Variants in PDE1C observed in about 807,000 individuals in gnomAD.
PDE1C encodes dual specificity calcium/calmodulin-dependent 3',5'-cyclic nucleotide phosphodiesterase 1C.
Under a neutral mutation model 93.1 loss-of-function variants are expected in PDE1C, and 62 were observed. The observed-to-expected ratio is 0.67, with a 90% CI of 0.54 to 0.82. The LOEUF (loss-of-function observed/expected upper bound fraction) is 0.82, where lower values mean the gene tolerates loss of function less well. Among genes scored for constraint, PDE1C ranks in the 40% least tolerant of loss-of-function variants. The pLI, the probability that PDE1C is intolerant of heterozygous loss-of-function variation, is 0.00. For missense variants in PDE1C, 742 were observed against 884.6 expected, an observed-to-expected ratio of 0.84 and a Z score of 2.04; for synonymous variants, 325 against 310.1, an observed-to-expected ratio of 1.05 and a Z score of -0.50.
intron 2 of PDE1C, among the ~76,000 whole-genome samples, chr7:31,996,066 G>GACAC (rs3078631): frequency 0.037 from 5,082 of 138,562 alleles, 113 homozygotes; most frequent in African/African-American, 0.062. Context: ...TACGCTTCCG[G>GACAC]ACACACACAC....
At chr7:31,665,809 T>C in the PDE1C span, among the ~76,000 whole-genome samples, 1 of 152,172 alleles carries the variant, frequency 6.6e-6, no homozygotes, top group South Asian at 2.1e-4. Flanking sequence ...AAGAAGCTCT[T>C]TCCTTTGATG....
At chr7:32,296,183 C>T (rs912129572) in intron 1 of PDE1C, among the ~76,000 whole-genome samples, 3 of 152,088 alleles carry the variant, frequency 2.0e-5, no homozygotes, top group Admixed American at 2.0e-4. Context: ...TTTCTTTCTT[C>T]CTTTTTTATT....
At chr7:32,026,200 T>G (rs6967724) in intron 2 of PDE1C, among the ~76,000 whole-genome samples, 4,814 of 152,162 alleles carry the variant, frequency 0.032, 262 homozygotes, top group African/African-American at 0.11. Context: ...CTGAACTGAA[T>G]TTTTTCTGGC....
Position 31,850,751 on chromosome 7 carries a change from G to A in PDE1C, c.751-10C>T, listed in dbSNP as rs1352177851. ...GCTCCGTCAGCCAGTTCTGAAAGGAGATTACAGAGCAATCAGATAATCTGT... is the reference window on the plus strand; with the variant it reads ...GCTCCGTCAGCCAGTTCTGAAAGGAAATTACAGAGCAATCAGATAATCTGT... On this transcript the variant is annotated splice_polypyrimidine_tract_variant and intron_variant, in intron 7 of 17. Coordinates refer to ENST00000396191, the MANE Select transcript of PDE1C (RefSeq NM_001191057.4). 1.9e-6 allele frequency: 3 copies of A among 1,573,354 alleles called. No individual in the cohort carries two copies. Among genetic ancestry groups the A allele is most frequent in the East Asian group, 2.2e-5 (1 of 44,608 alleles).
chr7:31,668,223 T>C, the PDE1C span, among the ~76,000 whole-genome samples: 2 of 152,082 alleles, frequency 1.3e-5, no homozygotes, highest in African/African-American at 2.4e-5. Flanking sequence ...TACATTGCTA[T>C]TGGGAAAGTA....
At chr7:31,788,266 G>A (rs1195465337) in intron 16 of PDE1C, 1 of 152,074 alleles carries the variant, frequency 6.6e-6, no homozygotes, top group African/African-American at 2.4e-5. Flanking sequence ...CAGGTTCCAA[G>A]GTCAAAAATT....
At chr7:32,110,844 T>C (rs1380603513) in intron 3 of PDE1C, among the ~76,000 whole-genome samples, 1 of 152,158 alleles carries the variant, frequency 6.6e-6, no homozygotes, top group African/African-American at 2.4e-5. Context: ...CATGAAAATA[T>C]CTACCAGTAA....
chr7:31,947,981 T>G (rs1438860364), intron 2 of PDE1C, among the ~76,000 whole-genome samples: 1 of 152,176 alleles, frequency 6.6e-6, no homozygotes, highest in Non-Finnish European at 1.5e-5. Context: ...GAGATTTACC[T>G]CTATTTTTAG....
chr7:31,970,692 C>T (rs919967380), intron 2 of PDE1C, among the ~76,000 whole-genome samples: 6 of 152,244 alleles, frequency 3.9e-5, no homozygotes, highest in African/African-American at 1.4e-4. Context: ...CTTCCCTCAA[C>T]ATGTAGATCA....
At chr7:31,860,416 A>G (rs532557622) in intron 7 of PDE1C, among the ~76,000 whole-genome samples, 1 of 152,312 alleles carries the variant, frequency 6.6e-6, no homozygotes, top group South Asian at 2.1e-4. Context: ...AGTTAATATT[A>G]TCACACTTTC....
At chr7:32,342,791 A>G (rs1347659842) in intron 1 of PDE1C, among the ~76,000 whole-genome samples, 1 of 152,218 alleles carries the variant, frequency 6.6e-6, no homozygotes, top group Non-Finnish European at 1.5e-5. Context: ...TGAGGCTTAA[A>G]TAAGTTAACA....
chr7:32,045,536 A>G (rs946488076), intron 2 of PDE1C, among the ~76,000 whole-genome samples: 19 of 152,216 alleles, frequency 1.2e-4, no homozygotes, highest in African/African-American at 4.3e-4. Flanking sequence ...GAAAATCAAT[A>G]CTACTAAGTA....
rs903120544 is a variant in PDE1C at position 32,169,728 on chromosome 7, T to C, written c.308+57A>G. 4.7e-6 allele frequency: 7 copies of C among 1,493,192 alleles called. 1 individual carries two copies. Among genetic ancestry groups the C allele is most frequent in the East Asian group, 2.3e-5 (1 of 44,192 alleles). The allele number at this position is 1,493,192 out of a possible 1,614,324, so 92.5% of individuals were successfully genotyped here. A position where few individuals can be genotyped will look rare whatever the true frequency, so the allele number is the denominator to read the frequency against. On this transcript the variant is annotated intron_variant, in intron 3 of 18. Coordinates refer to the PDE1C transcript ENST00000396193. ...CACACTGACTATGCATCTAACTGGA[T>C]TGAAACAACTCCACAAGCAAATAAG... is the stretch of plus-strand genomic sequence containing the variant.
At chr7:31,735,748 T>C in the PDE1C span, among the ~76,000 whole-genome samples, 1 of 152,222 alleles carries the variant, frequency 6.6e-6, no homozygotes, top group South Asian at 2.1e-4. Flanking sequence ...TCTGTGGCTC[T>C]AGGGCATGTT....
intron 9 of PDE1C, chr7:31,847,749 C>G (rs1792813421): frequency 2.0e-6 from 1 of 490,360 alleles, no homozygotes. Flanking sequence ...CATTCCATAG[C>G]CTTTATTTAT....
At position 31,831,910 on chromosome 7, in the gene PDE1C, T is replaced by C. The variant is rs1362122333; in HGVS notation, c.1204-3537A>G. Among the ~76,000 whole-genome samples the C allele has an allele frequency of 2.0e-5, 3 of 152,106 alleles. No homozygotes were observed. The East Asian group carries it at 5.8e-4, about 29-fold the overall frequency. The stretch of plus-strand genomic sequence containing the variant: ...ACAAACAACAGATGGGGAATACTCA[T>C]CAGATAAATGGTGCCACTACTAACA... On this transcript the variant is annotated intron_variant, in intron 11 of 17. Transcript: ENST00000396191.
chr7:32,362,059 G>C (rs1400695166), intron 1 of PDE1C, among the ~76,000 whole-genome samples: 1 of 152,194 alleles, frequency 6.6e-6, no homozygotes, highest in Non-Finnish European at 1.5e-5. Flanking sequence ...CAACAGAGGG[G>C]CCGGAATGTG....
intron 17 of PDE1C, among the ~76,000 whole-genome samples, chr7:31,757,101 T>C (rs1391921010): frequency 6.6e-6 from 1 of 152,258 alleles, no homozygotes; most frequent in African/African-American, 2.4e-5. Flanking sequence ...TTCTGGTCCA[T>C]TCTTAGAATA....
At chr7:32,296,803 T>C (rs935830239) in intron 1 of PDE1C, among the ~76,000 whole-genome samples, 1 of 152,230 alleles carries the variant, frequency 6.6e-6, no homozygotes, top group South Asian at 2.1e-4. Flanking sequence ...TGAAATACTT[T>C]TGACTTTGGC....
Sources: allele counts gnomAD v4.1 joint callset (sites outside exome capture counted in the v4.1 genomes callset), GRCh38; gene constraint gnomAD v4.1.1; transcripts MANE v1.5; gene names NCBI Gene and HGNC (gene_info 2026-07-23, HGNC 2026-07-21).